Variants in POF1B observed in about 807,000 individuals in gnomAD.
The protein encoded by POF1B is protein POF1B.
In POF1B, 53 loss-of-function variants were observed where a neutral mutation model predicts 55.3. The observed-to-expected ratio is 0.96, with a 90% CI of 0.77 to 1.20. POF1B has a LOEUF of 1.20. Among genes scored for constraint, POF1B ranks in the 50% most tolerant of loss-of-function variants. The pLI, the probability that POF1B is intolerant of heterozygous loss-of-function variation, is 0.00. For synonymous variants in POF1B, 188 were observed against 148.3 expected (o/e 1.27, Z -1.95); for missense variants, 478 against 420.5 (o/e 1.14, Z -1.20).
chrX:85,372,288 G>A (rs1414432221), intron 2 of POF1B, among the ~76,000 whole-genome samples: 1 of 105,254 alleles, frequency 9.5e-6, no homozygotes, highest in African/African-American at 3.5e-5. Context: ...AGCTTGCCGT[G>A]AGCCGAGATC....
At chrX:85,303,232 AT>A (rs1306925188) in intron 15 of POF1B, among the ~76,000 whole-genome samples, 173 bp downstream of exon 15, 2 of 111,068 alleles carry the variant, frequency 1.8e-5, no homozygotes, top group Admixed American at 9.6e-5. Flanking sequence ...GTGCTTCAGG[AT>A]TTTTTTGACC....
In POF1B at chrX:85,379,262, C is replaced by T. The variant is rs1487254862; in HGVS notation, c.193G>A (p.Ala65Thr). 8.3e-7 allele frequency: 1 copy of T among 1,208,045 alleles called. No individual in the cohort carries two copies. The highest frequency in any genetic ancestry group is 1.1e-6 in the Non-Finnish European group (1 of 894,657). ...TCCCGTGAGTTGAAGGGGTCCAAGG[C>T]CTGCACCACCTTGTTCATGGGCCCA... The part of the protein sequence containing the change: ...YSGPMNKVVQ[A>T]LDPFNSREVL... The change falls in exon 2 of 17, where the codon GCC becomes ACC. Residue 65 changes from alanine (A) to threonine (T), a missense_variant. Ala to Thr is a moderately conservative substitution (Grantham distance 58). Coordinates refer to ENST00000262753, the MANE Select transcript of POF1B (RefSeq NM_024921.4).
intron 7 of POF1B, among the ~76,000 whole-genome samples, chrX:85,327,751 A>G (rs1358803893): frequency 8.9e-6 from 1 of 112,380 alleles, no homozygotes; most frequent in Non-Finnish European, 1.9e-5. Flanking sequence ...ATTAATAGAC[A>G]TTTTGCATTT....
chrX:85,306,221 T>G lies in POF1B; in HGVS notation c.1277A>C (p.Lys426Thr). ...EYRLKELEYC[K>T]RNLEQENQNL... ...TTGATTCTCTTGCTCTAAATTACGT[T>G]TACAATATTCCAGTTCTTTTAGTCT... is the stretch of plus-strand genomic sequence containing the variant. Residue 426 changes from lysine (K) to threonine (T), a missense_variant, in exon 12 of 17, where the codon AAA becomes ACA. Lys to Thr is a moderately conservative substitution (Grantham distance 78, BLOSUM62 -1). Coordinates refer to ENST00000262753, the MANE Select transcript of POF1B (RefSeq NM_024921.4). 2 of 1,204,913 alleles carry G rather than the reference T, an allele frequency of 1.7e-6. No homozygotes were observed. The highest frequency in any genetic ancestry group is 2.2e-6 in the Non-Finnish European group (2 of 890,579).
chrX:85,281,934 A>G (rs1931906636), intron 16 of POF1B, among the ~76,000 whole-genome samples: 1 of 110,339 alleles, frequency 9.1e-6, no homozygotes, highest in Non-Finnish European at 1.9e-5. Flanking sequence ...CAAGAAAATA[A>G]ATAAAATTAG....
intron 9 of POF1B, among the ~76,000 whole-genome samples, chrX:85,313,420 T>C (rs763933910): frequency 2.1e-4 from 23 of 112,082 alleles, no homozygotes; most frequent in Admixed American, 2.0e-3. Flanking sequence ...CTTTTCTGCC[T>C]TTATTGAGAT....
Position 85,294,043 on chromosome X carries a change from G to T in POF1B, c.1649+9363C>A, listed in dbSNP as rs922938252. ...AGAGGAACATTTAAAAAGAATTAAA[G>T]AAAATGCTACTGAATTTTTACATTA... On this transcript the variant is annotated intron_variant, in intron 15 of 16. Coordinates refer to ENST00000262753, the MANE Select transcript of POF1B (RefSeq NM_024921.4). 2.7e-5 allele frequency among the ~76,000 whole-genome samples: 3 copies of T among 111,436 alleles called. No individual in the cohort carries two copies. In the Admixed American group the frequency reaches 2.9e-4, roughly 11 times the overall value.
chrX:85,279,436 A>G lies in POF1B; in HGVS notation c.1765-10T>C. ...GTGGATCCATTCATGGCTAGAAAAG[A>G]AAAAAAAAGGTTATCTTACAACTGG... On this transcript the variant is annotated splice_polypyrimidine_tract_variant and intron_variant, in intron 16 of 16. Transcript: ENST00000262753. The G allele has an allele frequency of 1.7e-6, 2 of 1,165,168 alleles. No individual in the cohort carries two copies. The highest frequency in any genetic ancestry group is 3.7e-5 in the South Asian group (2 of 53,569).
At chrX:85,337,415 G>A (rs1354826361) in intron 6 of POF1B, among the ~76,000 whole-genome samples, 1 of 111,743 alleles carries the variant, frequency 8.9e-6, no homozygotes, top group African/African-American at 3.2e-5. Context: ...TCAGTGATAC[G>A]AAGTTACATT....
At chrX:85,313,216 A>C (rs189860723) in intron 9 of POF1B, among the ~76,000 whole-genome samples, 124 of 111,871 alleles carry the variant, frequency 1.1e-3, no homozygotes, top group African/African-American at 3.9e-3. Context: ...TACTATGTTG[A>C]ATAGGAGTAG....
At chrX:85,336,894 C>T (rs1419027519) in intron 6 of POF1B, among the ~76,000 whole-genome samples, 1 of 111,549 alleles carries the variant, frequency 9.0e-6, no homozygotes, top group Non-Finnish European at 1.9e-5. Context: ...TGAATAGCTT[C>T]CTCAATGTTT....
chrX:85,358,344 G>T (rs781055421), intron 4 of POF1B, among the ~76,000 whole-genome samples: 6 of 111,122 alleles, frequency 5.4e-5, no homozygotes, highest in Non-Finnish European at 1.1e-4. Flanking sequence ...ATAGCTATTT[G>T]TGGACCTGTC....
At chrX:85,314,319 C>A (rs771576520) in intron 9 of POF1B, 113 bp downstream of exon 9, 9 of 571,124 alleles carry the variant, frequency 1.6e-5, no homozygotes, top group African/African-American at 1.5e-4. Context: ...GAATCCTCAA[C>A]TCTTAGGAAA....
At chrX:85,321,744 G>A (rs1932840134) in intron 7 of POF1B, among the ~76,000 whole-genome samples, 1 of 100,836 alleles carries the variant, frequency 9.9e-6, no homozygotes, top group Admixed American at 1.0e-4. Context: ...CTTCAGCAAA[G>A]TCTCAGGATA....
chrX:85,353,979 T>C (rs1933437443), intron 4 of POF1B, among the ~76,000 whole-genome samples: 1 of 111,230 alleles, frequency 9.0e-6, no homozygotes, highest in African/African-American at 3.3e-5. Context: ...ACAAATCCAT[T>C]GGGTTTGACT....
At chrX:85,301,554 C>T (rs866920566) in intron 15 of POF1B, among the ~76,000 whole-genome samples, 1 of 111,389 alleles carries the variant, frequency 9.0e-6, no homozygotes, top group African/African-American at 3.3e-5. Context: ...GGACTCTATA[C>T]AGCATCCCAA....
At chrX:85,307,781 A>T (rs1932609746) in intron 10 of POF1B, among the ~76,000 whole-genome samples, 1 of 111,894 alleles carries the variant, frequency 8.9e-6, no homozygotes, top group Non-Finnish European at 1.9e-5. Flanking sequence ...ATTTGAATGG[A>T]AATTCAGAGT....
At chrX:85,356,210 C>CA (rs959891342) in intron 4 of POF1B, among the ~76,000 whole-genome samples, 2 of 103,670 alleles carry the variant, frequency 1.9e-5, no homozygotes, top group Non-Finnish European at 3.9e-5. Flanking sequence ...ATTGCAAGGA[C>CA]AAAAAACCAA....
chrX:85,314,958 A>T (rs1216161628), intron 8 of POF1B, among the ~76,000 whole-genome samples: 1 of 111,691 alleles, frequency 9.0e-6, no homozygotes, highest in Non-Finnish European at 1.9e-5. Flanking sequence ...TTTACTGAGA[A>T]TTTACATAGA....
Sources: allele counts gnomAD v4.1 joint callset (sites outside exome capture counted in the v4.1 genomes callset), GRCh38; gene constraint gnomAD v4.1.1; transcripts MANE v1.5; gene names NCBI Gene and HGNC (gene_info 2026-07-23, HGNC 2026-07-21).